CLYBL: variants seen among roughly 807,000 people sequenced by gnomAD.
The protein encoded by CLYBL is citramalyl-CoA lyase, mitochondrial.
Under a neutral mutation model 38.9 loss-of-function variants are expected in CLYBL, and 31 were observed. That is an observed-to-expected ratio of 0.80 (90% CI 0.60 to 1.08). The LOEUF (loss-of-function observed/expected upper bound fraction) is 1.08. Among genes scored for constraint, CLYBL ranks in the 50% least tolerant of loss-of-function variants. CLYBL has a pLI of 0.00. For synonymous variants in CLYBL, 171 were observed against 158.6 expected (o/e 1.08, Z -0.59); for missense variants, 434 against 411.6 (o/e 1.05, Z -0.47).
chr13:99,661,708 AT>A (rs2047411925), intron 1 of CLYBL, among the ~76,000 whole-genome samples: 1 of 151,944 alleles, frequency 6.6e-6, no homozygotes, highest in Non-Finnish European at 1.5e-5. Context: ...TGTTTTAAGG[AT>A]TTTTTTTAAA....
chr13:99,879,338 T>C (rs1412127887), intron 7 of CLYBL, among the ~76,000 whole-genome samples: 1 of 152,206 alleles, frequency 6.6e-6, no homozygotes, highest in African/African-American at 2.4e-5. Context: ...CCACTCAATT[T>C]CCACATTCCA....
At chr13:99,668,769 G>A (rs955557435) in intron 1 of CLYBL, among the ~76,000 whole-genome samples, 6 of 152,070 alleles carry the variant, frequency 3.9e-5, no homozygotes, top group African/African-American at 1.2e-4. Flanking sequence ...GCCAAGCTGG[G>A]GGTGTCCTGG....
At chr13:99,762,865 T>G (rs918048003) in intron 1 of CLYBL, among the ~76,000 whole-genome samples, 1 of 152,174 alleles carries the variant, frequency 6.6e-6, no homozygotes, top group Non-Finnish European at 1.5e-5. Context: ...ATAGTTTTCC[T>G]TGTAGAGAGA....
intron 1 of CLYBL, among the ~76,000 whole-genome samples, chr13:99,640,406 T>G (rs11840327): frequency 0.16 from 24,406 of 152,238 alleles, 2,088 homozygotes; most frequent in African/African-American, 0.2. Flanking sequence ...TCAGATATCC[T>G]TTTGTGTTTT....
chr13:99,822,140 G>A (rs1337070509), intron 2 of CLYBL, among the ~76,000 whole-genome samples: 4 of 152,192 alleles, frequency 2.6e-5, no homozygotes, highest in Non-Finnish European at 2.9e-5. Context: ...GACCCCTGGC[G>A]AGACCAGCAG....
chr13:99,674,690 G>C (rs1017085890), intron 1 of CLYBL, among the ~76,000 whole-genome samples: 3 of 152,162 alleles, frequency 2.0e-5, no homozygotes, highest in African/African-American at 4.8e-5. Flanking sequence ...CCAACATTAA[G>C]GGATGCGTAA....
chr13:99,885,846 T>C (rs2052336315), intron 7 of CLYBL, among the ~76,000 whole-genome samples: 1 of 152,004 alleles, frequency 6.6e-6, no homozygotes, highest in Admixed American at 6.5e-5. Context: ...TCCTGAGGAG[T>C]TTCAGGGCGC....
At chr13:99,607,652 A>T (rs116242184) in intron 1 of CLYBL, among the ~76,000 whole-genome samples, 241 of 152,340 alleles carry the variant, frequency 1.6e-3, no homozygotes, top group African/African-American at 5.3e-3. Flanking sequence ...CAGGGTCAGA[A>T]AGGTTAAGGA....
At chr13:99,854,151 TGGG>T (rs2051399420) in intron 2 of CLYBL, among the ~76,000 whole-genome samples, 1 of 152,174 alleles carries the variant, frequency 6.6e-6, no homozygotes, top group Non-Finnish European at 1.5e-5. Flanking sequence ...TACCAAATCT[TGGG>T]TCGCACATAG....
chr13:99,667,195 G>A (rs140544296), intron 1 of CLYBL, among the ~76,000 whole-genome samples: 1 of 152,268 alleles, frequency 6.6e-6, no homozygotes, highest in Non-Finnish European at 1.5e-5. Flanking sequence ...TGCTCTAGTA[G>A]AATGTGGTGG....
chr13:99,625,097 G>A (rs1226423665), intron 1 of CLYBL, among the ~76,000 whole-genome samples: 1 of 152,148 alleles, frequency 6.6e-6, no homozygotes, highest in Non-Finnish European at 1.5e-5. Flanking sequence ...CTTCTCCATC[G>A]GAGCTGGTTC....
At chr13:99,773,364 A>T (rs1027967575) in intron 2 of CLYBL, among the ~76,000 whole-genome samples, 3 of 152,212 alleles carry the variant, frequency 2.0e-5, no homozygotes, top group Non-Finnish European at 1.5e-5. Context: ...ACAGGCCACA[A>T]TACAGGCCTG....
At chr13:99,614,834 C>G (rs2046684823) in intron 1 of CLYBL, among the ~76,000 whole-genome samples, 1 of 152,194 alleles carries the variant, frequency 6.6e-6, no homozygotes, top group South Asian at 2.1e-4. Context: ...CTCCCTCTCT[C>G]TGTCCCATGG....
intron 9 of CLYBL, among the ~76,000 whole-genome samples, chr13:99,908,008 G>C (rs916861588): frequency 1.3e-5 from 2 of 152,080 alleles, no homozygotes; most frequent in Non-Finnish European, 2.9e-5. Context: ...AACAGCACTC[G>C]GATTGGCAAA....
chr13:99,644,129 G>A (rs2047138159), intron 1 of CLYBL, among the ~76,000 whole-genome samples: 1 of 151,510 alleles, frequency 6.6e-6, no homozygotes, highest in African/African-American at 2.4e-5. Flanking sequence ...TATATGTGGT[G>A]TATGTATGTA....
chr13:99,689,622 A>T (rs901916438), intron 1 of CLYBL, among the ~76,000 whole-genome samples: 1 of 152,198 alleles, frequency 6.6e-6, no homozygotes, highest in African/African-American at 2.4e-5. Flanking sequence ...TTTCAACTTG[A>T]GCAATTGCAA....
At chr13:99,858,498 A>G (rs2051513826) in intron 2 of CLYBL, among the ~76,000 whole-genome samples, 1 of 152,240 alleles carries the variant, frequency 6.6e-6, no homozygotes, top group Non-Finnish European at 1.5e-5. Flanking sequence ...GCAGGGAAAG[A>G]ACATAGAACC....
chr13:99,677,263 T>C (rs2047667303), intron 1 of CLYBL, among the ~76,000 whole-genome samples: 1 of 152,064 alleles, frequency 6.6e-6, no homozygotes, highest in Non-Finnish European at 1.5e-5. Flanking sequence ...AATATCCAAG[T>C]AGATTTTCTT....
intron 2 of CLYBL, among the ~76,000 whole-genome samples, chr13:99,833,244 T>C (rs1036746892): frequency 4.0e-5 from 6 of 150,960 alleles, no homozygotes; most frequent in African/African-American, 1.5e-4. Context: ...GGTTTCACCA[T>C]GTTGGCCAGG....
Sources: gnomAD v4.1 joint callset for allele counts (sites outside exome capture counted in the v4.1 genomes callset) on GRCh38, gnomAD v4.1.1 for gene constraint, MANE v1.5 for transcripts, NCBI Gene and HGNC (gene_info 2026-07-23, HGNC 2026-07-21) for gene names.